ZCCHC7: variants seen among roughly 807,000 people sequenced by gnomAD.
ZCCHC7 encodes the protein zinc finger CCHC domain-containing protein 7.
In ZCCHC7, 35 loss-of-function variants were observed where a neutral mutation model predicts 52.0. The observed-to-expected ratio is 0.67, with a 90% confidence interval of 0.51 to 0.89. The LOEUF is 0.89. Among genes scored for constraint, ZCCHC7 ranks in the 40% least tolerant of loss-of-function variants. The probability of loss-of-function intolerance (pLI) is 0.00; values close to 1 mark genes in which losing one functional copy is unlikely to be tolerated. For synonymous variants in ZCCHC7, 217 were observed against 221.5 expected, an observed-to-expected ratio of 0.98 and a Z score of 0.18; for missense variants, 574 against 649.1, an observed-to-expected ratio of 0.88 and a Z score of 1.26.
At chr9:37,182,623 C>G (rs964118570) in intron 2 of ZCCHC7, among the ~76,000 whole-genome samples, 14 of 152,212 alleles carry the variant, frequency 9.2e-5, no homozygotes, top group Non-Finnish European at 2.1e-4. Context: ...ACCTCAGCCT[C>G]CCAAAGTGCT....
intron 2 of ZCCHC7, among the ~76,000 whole-genome samples, chr9:37,295,592 A>G (rs1176503420): frequency 1.3e-5 from 2 of 152,178 alleles, no homozygotes; most frequent in Non-Finnish European, 2.9e-5. Flanking sequence ...TACCCTATTT[A>G]TAGTATTTGA....
chr9:37,339,655 G>A (rs1460025957), intron 6 of ZCCHC7, among the ~76,000 whole-genome samples: 1 of 152,006 alleles, frequency 6.6e-6, no homozygotes, highest in Non-Finnish European at 1.5e-5. Flanking sequence ...TGTTATATTT[G>A]GTTATGAATG....
chr9:37,320,031 A>G (rs140935971), intron 5 of ZCCHC7, among the ~76,000 whole-genome samples: 1 of 152,262 alleles, frequency 6.6e-6, no homozygotes, highest in Non-Finnish European at 1.5e-5. Context: ...TGATTACTAT[A>G]GTTTTATAGT....
Position 37,192,527 on chromosome 9 carries a change from A to G in ZCCHC7, c.610+65585A>G, listed in dbSNP as rs181665974. On this transcript the variant is annotated intron_variant, in intron 2 of 8. Transcript: ENST00000336755. ...GATTGTAAGACAGCACTTTTCATAC[A>G]TGGTTGAAGTTGAAAAATTTTAAAG... 3.3e-5 allele frequency among the ~76,000 whole-genome samples: 5 copies of G among 152,338 alleles called. No homozygotes were observed. The East Asian group carries it at 5.8e-4, about 18-fold the overall frequency.
Position 37,348,953 on chromosome 9 carries a change from CCTT to C in ZCCHC7, c.988-400_988-398del, listed in dbSNP as rs1454380999. Among the ~76,000 whole-genome samples, 6 of 152,142 alleles carry C rather than the reference CCTT, an allele frequency of 3.9e-5. No individual in the cohort carries two copies. In the South Asian group the frequency reaches 8.3e-4, roughly 21 times the overall value. On this transcript the variant is annotated intron_variant, in intron 6 of 8. Transcript: ENST00000336755. ...CACCTGCAGGGAAACTTTCTCTGACCCTTCTTTAACCCCATCCGCTGGTGGGGG... is the reference window on the plus strand; with the variant it reads ...CACCTGCAGGGAAACTTTCTCTGACCCTTTAACCCCATCCGCTGGTGGGGG...
chr9:37,157,916 C>T (rs1820900657), intron 2 of ZCCHC7, among the ~76,000 whole-genome samples: 1 of 152,224 alleles, frequency 6.6e-6, no homozygotes, highest in South Asian at 2.1e-4. Context: ...GAACTACTGT[C>T]TGATCCAGCA....
At chr9:37,317,052 C>T (rs1266216851) in intron 5 of ZCCHC7, among the ~76,000 whole-genome samples, 3 of 151,940 alleles carry the variant, frequency 2.0e-5, no homozygotes, top group East Asian at 1.9e-4. Flanking sequence ...AGAAGACAGA[C>T]GAAAAGCACT....
intron 2 of ZCCHC7, among the ~76,000 whole-genome samples, chr9:37,221,987 T>C (rs541005822): frequency 6.6e-6 from 1 of 152,100 alleles, no homozygotes; most frequent in South Asian, 2.1e-4. Flanking sequence ...TGGAATAAAC[T>C]TAACAGGAAA....
intron 2 of ZCCHC7, among the ~76,000 whole-genome samples, chr9:37,217,817 CAG>C (rs1362700330): frequency 6.6e-6 from 1 of 152,112 alleles, no homozygotes; most frequent in Non-Finnish European, 1.5e-5. Context: ...ATTTTAGAGT[CAG>C]AGGTAATCCT....
chr9:37,158,842 A>G (rs1388760228), intron 2 of ZCCHC7, among the ~76,000 whole-genome samples: 1 of 152,222 alleles, frequency 6.6e-6, no homozygotes, highest in Non-Finnish European at 1.5e-5. Context: ...ATAAAAAAAT[A>G]TTAGTTTGTC....
chr9:37,253,912 A>G (rs1307080942), intron 2 of ZCCHC7, among the ~76,000 whole-genome samples: 2 of 151,974 alleles, frequency 1.3e-5, no homozygotes, highest in East Asian at 3.8e-4. Flanking sequence ...TGCACTTATA[A>G]TTTTATACTG....
chr9:37,292,947 A>G (rs896302783), intron 2 of ZCCHC7, among the ~76,000 whole-genome samples: 3 of 152,182 alleles, frequency 2.0e-5, no homozygotes, highest in African/African-American at 7.2e-5. Flanking sequence ...TGGCTTGGAA[A>G]GACATTTTAA....
At chr9:37,142,178 C>T (rs1029923853) in intron 2 of ZCCHC7, among the ~76,000 whole-genome samples, 2 of 151,546 alleles carry the variant, frequency 1.3e-5, no homozygotes, top group African/African-American at 2.4e-5. Context: ...CTAATAATTT[C>T]CTAATCAGGA....
At chr9:37,194,088 A>G (rs536890957) in intron 2 of ZCCHC7, among the ~76,000 whole-genome samples, 3 of 152,292 alleles carry the variant, frequency 2.0e-5, no homozygotes, top group Non-Finnish European at 4.4e-5. Flanking sequence ...ACTCTGACCA[A>G]TTTTGTAGTT....
At chr9:37,180,458 T>G (rs7872280) in intron 2 of ZCCHC7, among the ~76,000 whole-genome samples, 7,725 of 152,252 alleles carry the variant, frequency 0.051, 638 homozygotes, top group African/African-American at 0.17. Context: ...AAAAGTATAT[T>G]TAGTATATAG....
rs1455283055 is a variant in ZCCHC7, at chr9:37,225,356, A to G, written c.611-76832A>G. 2.0e-5 allele frequency among the ~76,000 whole-genome samples: 3 copies of G among 152,194 alleles called. No individual in the cohort carries two copies. In the East Asian group the frequency reaches 5.8e-4, roughly 29 times the overall value. On this transcript the variant is annotated intron_variant, in intron 2 of 8. Transcript: ENST00000336755. ...TCCAAGTCCAGATAGCATTAGTAGT[A>G]TATTATATCACACTTTAAAGAAGGA...
chr9:37,321,558 G>A (rs1348718242), intron 5 of ZCCHC7, among the ~76,000 whole-genome samples: 6 of 152,090 alleles, frequency 3.9e-5, no homozygotes, highest in African/African-American at 1.4e-4. Flanking sequence ...GGGGCCAGGA[G>A]TTTGAGACCA....
intron 2 of ZCCHC7, among the ~76,000 whole-genome samples, chr9:37,149,859 T>G (rs1843605868): frequency 6.6e-6 from 1 of 152,210 alleles, no homozygotes; most frequent in African/African-American, 2.4e-5. Flanking sequence ...ATTACAAGCA[T>G]TTCTCATTTC....
rs76858510 is a variant in ZCCHC7 at position 37,271,102 on chromosome 9, A to G, written c.611-31086A>G. Among the ~76,000 whole-genome samples the G allele has an allele frequency of 5.5e-4, 84 of 152,350 alleles. No individual in the cohort carries two copies. The East Asian group carries it at 0.015, about 28-fold the overall frequency. On this transcript the variant is annotated intron_variant, in intron 2 of 8. Transcript: ENST00000336755. ...AAATAATGGATTTAAAGAATTATCG[A>G]TGGCTGCTTATTTGACAAAAAGAGA...
Sources: allele counts gnomAD v4.1 joint callset (sites outside exome capture counted in the v4.1 genomes callset), GRCh38; gene constraint gnomAD v4.1.1; transcripts MANE v1.5; gene names NCBI Gene and HGNC (gene_info 2026-07-23, HGNC 2026-07-21).